NTRK3: variants seen among roughly 807,000 people sequenced by gnomAD.
NTRK3 encodes the protein neurotrophic receptor tyrosine kinase 3.
NTRK3 carries 24 observed loss-of-function variants against 91.7 expected under a neutral mutation model. The ratio of observed to expected loss-of-function variants is 0.26; its 90% confidence interval spans 0.19 to 0.37. The LOEUF (loss-of-function observed/expected upper bound fraction) is 0.37. Ranked by LOEUF, NTRK3 falls within the 10% of genes least tolerant of loss-of-function variation. The probability of loss-of-function intolerance (pLI) is 1.00; values close to 1 mark genes in which losing one functional copy is unlikely to be tolerated. For synonymous variants in NTRK3, 483 were observed against 404.0 expected (o/e 1.20, Z -2.34); for missense variants, 880 against 1,068.9 (o/e 0.82, Z 2.46).
At chr15:87,970,969 C>A (rs986330457) in intron 14 of NTRK3, among the ~76,000 whole-genome samples, 11 of 152,184 alleles carry the variant, frequency 7.2e-5, no homozygotes, top group Non-Finnish European at 1.0e-4. Context: ...AAGACACCAT[C>A]CTGAAAATGC....
rs1452115378 is a variant in NTRK3 at position 88,177,141 on chromosome 15, T to C, written c.395+6277A>G. Among the ~76,000 whole-genome samples, 4 of 152,088 alleles carry C rather than the reference T, an allele frequency of 2.6e-5. No individual in the cohort carries two copies. In the South Asian group the frequency reaches 6.2e-4, roughly 24 times the overall value. On this transcript the variant is annotated intron_variant, in intron 5 of 18. Coordinates refer to ENST00000394480, the Ensembl canonical transcript of NTRK3. ...GCGGCAGAGAGAACAAGGGGAAAAGTACAAGACAATTAGAGAGGGAGACAG... is the reference window on the plus strand; with the variant it reads ...GCGGCAGAGAGAACAAGGGGAAAAGCACAAGACAATTAGAGAGGGAGACAG...
At chr15:87,931,736 G>A (rs1381501102) in intron 16 of NTRK3, among the ~76,000 whole-genome samples, 1 of 152,164 alleles carries the variant, frequency 6.6e-6, no homozygotes, top group Non-Finnish European at 1.5e-5. Context: ...TGACTCATAA[G>A]CAGAGCTCCA....
chr15:88,094,450 T>G (rs2049367168), intron 13 of NTRK3, among the ~76,000 whole-genome samples: 2 of 117,690 alleles, frequency 1.7e-5, no homozygotes, highest in African/African-American at 3.4e-5. Flanking sequence ...CAGTCCCGAC[T>G]GGGCGACAGA....
chr15:88,018,581 A>G (rs1200681349), intron 14 of NTRK3, among the ~76,000 whole-genome samples: 1 of 152,180 alleles, frequency 6.6e-6, no homozygotes, highest in Non-Finnish European at 1.5e-5. Flanking sequence ...TTTAATGTAG[A>G]AAGAATGACT....
At chr15:88,008,265 G>C (rs983940781) in intron 14 of NTRK3, among the ~76,000 whole-genome samples, 1 of 152,124 alleles carries the variant, frequency 6.6e-6, no homozygotes, top group Non-Finnish European at 1.5e-5. Flanking sequence ...AGGTGAAAAA[G>C]GAAAGTGGGG....
chr15:87,956,222 C>A (rs1388844792), intron 14 of NTRK3, among the ~76,000 whole-genome samples: 1 of 152,162 alleles, frequency 6.6e-6, no homozygotes, highest in Non-Finnish European at 1.5e-5. Context: ...TAAAAGTGCC[C>A]AAATAACATA....
At chr15:87,959,752 G>A (rs749865866) in intron 14 of NTRK3, among the ~76,000 whole-genome samples, 6 of 152,150 alleles carry the variant, frequency 3.9e-5, no homozygotes, top group Non-Finnish European at 7.3e-5. Context: ...AAAGGGCCAC[G>A]GAATCTACTG....
intron 6 of NTRK3, among the ~76,000 whole-genome samples, chr15:88,144,595 G>A (rs1006483534): frequency 9.2e-5 from 14 of 152,108 alleles, no homozygotes; most frequent in Non-Finnish European, 1.6e-4. Flanking sequence ...TCGGGGTAGT[G>A]ATAATATTAA....
intron 14 of NTRK3, among the ~76,000 whole-genome samples, chr15:87,985,660 G>C (rs936470776): frequency 6.6e-6 from 1 of 152,162 alleles, no homozygotes; most frequent in Admixed American, 6.5e-5. Flanking sequence ...CAGAGGGAGG[G>C]GGCTGAGGCT....
rs564266407 is a variant in NTRK3 at position 88,145,817 on chromosome 15, TTCTAGGGTAAC to T, written c.464+1507_464+1517del. Among the ~76,000 whole-genome samples the T allele has an allele frequency of 5.3e-5, 8 of 151,404 alleles. No individual in the cohort carries two copies. The South Asian group carries it at 1.5e-3, about 28-fold the overall frequency. The stretch of plus-strand genomic sequence containing the variant: ...GAGATCCCCCAAGGCCCTCAGTCAG[TTCTAGGGTAAC>T]TTAAGAAAGACCACAATCATGTGTT... On this transcript the variant is annotated intron_variant, in intron 6 of 18. Coordinates refer to ENST00000394480, the Ensembl canonical transcript of NTRK3.
chr15:87,980,326 T>A (rs192890740), intron 14 of NTRK3, among the ~76,000 whole-genome samples: 1 of 150,586 alleles, frequency 6.6e-6, no homozygotes, highest in Admixed American at 6.6e-5. Flanking sequence ...AGTGTGTGTG[T>A]GCATTTGCAT....
intron 3 of NTRK3, chr15:88,205,677 C>T (rs1187230895): frequency 6.6e-6 from 1 of 152,250 alleles, no homozygotes; most frequent in Non-Finnish European, 1.5e-5. Flanking sequence ...AGGGTCAGCC[C>T]TCTCACCCCG....
intron 14 of NTRK3, among the ~76,000 whole-genome samples, chr15:87,969,181 T>C (rs561917648): frequency 6.6e-6 from 1 of 152,250 alleles, no homozygotes; most frequent in East Asian, 1.9e-4. Context: ...CATGGCCAAT[T>C]GGTGCCCAGG....
Position 88,237,662 on chromosome 15 carries a change from C to G in NTRK3, c.248+18244G>C, listed in dbSNP as rs1394279603. Among the ~76,000 whole-genome samples the G allele has an allele frequency of 6.6e-6, 1 of 152,168 alleles. No homozygotes were observed. Among genetic ancestry groups the G allele is most frequent in the Non-Finnish European group, 1.5e-5 (1 of 68,038 alleles). Reference sequence around the variant, plus strand: ...TGCGTGTGTCCTTCCCTTTATCCACCTCTATTCCACCTAAGACCGTGCAAC... The same window carrying G: ...TGCGTGTGTCCTTCCCTTTATCCACGTCTATTCCACCTAAGACCGTGCAAC... On this transcript the variant is annotated intron_variant, in intron 3 of 18. Coordinates refer to ENST00000394480, the Ensembl canonical transcript of NTRK3. This position sits in a 1 kb window ranked among gnomAD's most constrained non-coding sequence, Gnocchi z 4.0.
At chr15:87,878,191 TA>T (rs2065039941) in intron 18 of NTRK3, among the ~76,000 whole-genome samples, 1 of 152,214 alleles carries the variant, frequency 6.6e-6, no homozygotes, top group Admixed American at 6.5e-5. Flanking sequence ...GTCATAATGA[TA>T]AAAATACAAA....
intron 13 of NTRK3, among the ~76,000 whole-genome samples, chr15:88,076,900 C>T (rs1273203955): frequency 1.3e-5 from 2 of 151,980 alleles, no homozygotes; most frequent in Non-Finnish European, 2.9e-5. Flanking sequence ...TGAGACCAGC[C>T]TGGTGAACAT....
intron 3 of NTRK3, among the ~76,000 whole-genome samples, chr15:88,194,974 T>C (rs79060701): frequency 0.017 from 2,522 of 152,312 alleles, 73 homozygotes; most frequent in African/African-American, 0.058. Flanking sequence ...CCAACCTAGC[T>C]AGGGTCATTC....
intron 13 of NTRK3, among the ~76,000 whole-genome samples, chr15:88,076,672 TAAA>T (rs34053167): frequency 0.086 from 10,316 of 120,382 alleles, 551 homozygotes; most frequent in African/African-American, 0.17. Context: ...TATACATATG[TAAA>T]AAAAAAAAAA....
Position 88,236,072 on chromosome 15 carries a change from A to AT in NTRK3, c.248+19833dup, listed in dbSNP as rs1261621752. On this transcript the variant is annotated intron_variant, in intron 3 of 18. Coordinates refer to ENST00000394480, the Ensembl canonical transcript of NTRK3. ...AAAGTTAAACATAAATTTATCAGAC[A>AT]TCCCAGAAATTTCACTCCTGGGGAA... Among the ~76,000 whole-genome samples, 10 of 152,350 alleles carry AT rather than the reference A, an allele frequency of 6.6e-5. No homozygotes were observed. The East Asian group carries it at 1.3e-3, about 21-fold the overall frequency.
Sources: allele counts gnomAD v4.1 joint callset (sites outside exome capture counted in the v4.1 genomes callset), GRCh38; gene constraint gnomAD v4.1.1; non-coding constraint Gnocchi (gnomAD v3.1); transcripts MANE v1.5; gene names NCBI Gene and HGNC (gene_info 2026-07-23, HGNC 2026-07-21).